Variants in FLACC1 observed in about 807,000 individuals in gnomAD.
FLACC1 encodes the protein flagellum associated containing coiled-coil domains 1.
Under a neutral mutation model 62.8 loss-of-function variants are expected in FLACC1, and 66 were observed. The observed-to-expected ratio is 1.05, with a 90% CI of 0.86 to 1.29. The LOEUF is 1.29. FLACC1 is among the 50% of genes most tolerant of loss of function. The pLI is 0.00. For missense variants in FLACC1, 452 were observed against 489.1 expected, an observed-to-expected ratio of 0.92 and a Z score of 0.71; for synonymous variants, 156 against 161.0, an observed-to-expected ratio of 0.97 and a Z score of 0.24.
intron 1 of FLACC1, among the ~76,000 whole-genome samples, chr2:201,355,900 T>C (rs6435081): frequency 0.64 from 96,599 of 151,966 alleles, 31,380 homozygotes; most frequent in South Asian, 0.79. Flanking sequence ...AAAGGCCTTT[T>C]TCTTTGAACA....
chr2:201,301,841 C>T (rs542889509), intron 11 of FLACC1, among the ~76,000 whole-genome samples: 46 of 152,254 alleles, frequency 3.0e-4, no homozygotes, highest in African/African-American at 1.1e-3. Flanking sequence ...AACTAAGCTT[C>T]ATAAGTGAAG....
intron 11 of FLACC1, among the ~76,000 whole-genome samples, chr2:201,300,653 C>T (rs1949961950): frequency 6.6e-6 from 1 of 152,128 alleles, no homozygotes; most frequent in South Asian, 2.1e-4. Flanking sequence ...CCCCGAGAAG[C>T]CTAACTGGGA....
chr2:201,328,778 A>G (rs1324843964), intron 9 of FLACC1, among the ~76,000 whole-genome samples: 4 of 152,218 alleles, frequency 2.6e-5, no homozygotes, highest in Admixed American at 2.0e-4. Context: ...ATTTCTGAAT[A>G]AAGATTTGAT....
chr2:201,296,830 T>C (rs1010328089), intron 12 of FLACC1, among the ~76,000 whole-genome samples: 4 of 152,166 alleles, frequency 2.6e-5, no homozygotes, highest in South Asian at 4.1e-4. Flanking sequence ...TGAAGGGTTT[T>C]AAGCAGAGAA....
At chr2:201,329,811 A>G (rs528967458) in intron 9 of FLACC1, among the ~76,000 whole-genome samples, 3 of 152,254 alleles carry the variant, frequency 2.0e-5, no homozygotes, top group Non-Finnish European at 4.4e-5. Context: ...GAGATCATTC[A>G]TATCCCAAAC....
At chr2:201,298,821 G>A (rs762429900) in intron 12 of FLACC1, among the ~76,000 whole-genome samples, 2 of 152,228 alleles carry the variant, frequency 1.3e-5, no homozygotes, top group African/African-American at 2.4e-5. Flanking sequence ...AGTCCCTGAG[G>A]AAGTTATCAT....
At chr2:201,309,002 G>A (rs1230450602) in intron 10 of FLACC1, 149 bp downstream of exon 10, 1 of 677,746 alleles carries the variant, frequency 1.5e-6, no homozygotes, top group African/African-American at 1.8e-5. Context: ...TTGCTTTCAT[G>A]AAAACTCTGG....
At chr2:201,324,513 C>A (rs942549306) in intron 9 of FLACC1, among the ~76,000 whole-genome samples, 1 of 152,116 alleles carries the variant, frequency 6.6e-6, no homozygotes, top group Admixed American at 6.5e-5. Context: ...ATGAACATAA[C>A]AGCTATTTAC....
chr2:201,308,221 T>C (rs1323012137), intron 10 of FLACC1, among the ~76,000 whole-genome samples: 1 of 152,188 alleles, frequency 6.6e-6, no homozygotes, highest in Non-Finnish European at 1.5e-5. Context: ...AAACTGGCGG[T>C]TACATCTTTA....
At position 201,307,453 on chromosome 2, in the gene FLACC1, C is replaced by G. The variant is rs548642573; in HGVS notation, c.879+66G>C. ...AAGATCACCTAATTATGGAGGCACA[C>G]CTGGGGACTTGGGTGTACCACCTGG... On this transcript the variant is annotated intron_variant, in intron 11 of 14. Coordinates refer to ENST00000392257, the MANE Select transcript of FLACC1 (RefSeq NM_001127391.3). 26 of 1,198,516 alleles carry G rather than the reference C, an allele frequency of 2.2e-5. No individual in the cohort carries two copies. The Admixed American group carries it at 3.6e-4, about 16-fold the overall frequency. The allele number at this position is 1,198,516 out of a possible 1,614,324, so 74.2% of individuals were successfully genotyped here. A position where few individuals can be genotyped will look rare whatever the true frequency, so the allele number is the denominator to read the frequency against.
the FLACC1 span, among the ~76,000 whole-genome samples, chr2:201,364,014 C>G: frequency 6.6e-6 from 1 of 152,166 alleles, no homozygotes; most frequent in East Asian, 1.9e-4. Context: ...GAGCTCAGAC[C>G]ACTATGCACC....
rs1217418269 is a variant in FLACC1 at position 201,344,170 on chromosome 2, C to T, written c.462G>A (p.Leu154=). ...TGTTAGCTAATGTAAGGTCACTCACCAATTTCTGGGCAGACTGGTGGTCTC... is the reference window on the plus strand; with the variant it reads ...TGTTAGCTAATGTAAGGTCACTCACTAATTTCTGGGCAGACTGGTGGTCTC... ...MNRDHQSAQK[L]LSSEMDLRCA... The change falls in exon 6 of 15, where the codon TTG becomes TTA. Residue 154 remains leucine (L), a splice_region_variant and synonymous_variant. Coordinates refer to ENST00000392257, the MANE Select transcript of FLACC1 (RefSeq NM_001127391.3). 6 of 1,607,022 alleles carry T rather than the reference C, an allele frequency of 3.7e-6. No individual in the cohort carries two copies. Among genetic ancestry groups the T allele is most frequent in the Non-Finnish European group, 5.1e-6 (6 of 1,175,528 alleles).
At chr2:201,317,308 T>G (rs1950325056) in intron 9 of FLACC1, among the ~76,000 whole-genome samples, 1 of 152,042 alleles carries the variant, frequency 6.6e-6, no homozygotes, top group Admixed American at 6.6e-5. Context: ...CCCTAAAGAT[T>G]CCTCCAAAAA....
At chr2:201,318,367 C>T (rs537992018) in intron 9 of FLACC1, among the ~76,000 whole-genome samples, 2 of 152,184 alleles carry the variant, frequency 1.3e-5, no homozygotes, top group Admixed American at 1.3e-4. Flanking sequence ...GACTAATATC[C>T]AGAATCTACA....
intron 1 of FLACC1, 106 bp from the exon 2 acceptor site, chr2:201,351,557 T>C: frequency 3.2e-6 from 2 of 627,822 alleles, no homozygotes; most frequent in Non-Finnish European, 5.6e-6. Flanking sequence ...AATGGTAGAT[T>C]CCAGAAGCTG....
At chr2:201,363,226 G>C in the FLACC1 span, among the ~76,000 whole-genome samples, 1 of 151,934 alleles carries the variant, frequency 6.6e-6, no homozygotes, top group African/African-American at 2.4e-5. Flanking sequence ...CAGGTATCTG[G>C]AGCACCCCCT....
intron 3 of FLACC1, among the ~76,000 whole-genome samples, chr2:201,348,685 G>A (rs1263337517): frequency 6.6e-6 from 1 of 151,516 alleles, no homozygotes; most frequent in Non-Finnish European, 1.5e-5. Flanking sequence ...GGAACTGTGT[G>A]GAACTCTCTT....
At chr2:201,304,420 C>T (rs1234913132) in intron 11 of FLACC1, among the ~76,000 whole-genome samples, 2 of 151,906 alleles carry the variant, frequency 1.3e-5, no homozygotes, top group Admixed American at 6.6e-5. Context: ...CACTGCTCAA[C>T]GAAATAAAAG....
Position 201,303,317 on chromosome 2 carries a change from C to G in FLACC1, c.880-4017G>C, listed in dbSNP as rs189171026. ...CTATAAACAACTCTATGCAAATAAA[C>G]TAGAAAATCTAGAAGAAATGGATAA... On this transcript the variant is annotated intron_variant, in intron 11 of 14. Coordinates refer to ENST00000392257, the MANE Select transcript of FLACC1 (RefSeq NM_001127391.3). Among the ~76,000 whole-genome samples, 1,465 of 152,230 alleles carry G rather than the reference C, an allele frequency of 9.6e-3. 30 individuals carry two copies. Among genetic ancestry groups the G allele is most frequent in the African/African-American group, 0.034 (1,401 of 41,520 alleles).
Sources: gnomAD v4.1 joint callset for allele counts (sites outside exome capture counted in the v4.1 genomes callset) on GRCh38, gnomAD v4.1.1 for gene constraint, MANE v1.5 for transcripts, NCBI Gene and HGNC (gene_info 2026-07-23, HGNC 2026-07-21) for gene names.